VPS13A: variants seen among roughly 807,000 people sequenced by gnomAD.
The protein encoded by VPS13A is intermembrane lipid transfer protein VPS13A.
Under a neutral mutation model 390.9 loss-of-function variants are expected in VPS13A, and 264 were observed. The observed-to-expected ratio is 0.68, with a 90% CI of 0.61 to 0.75. The LOEUF is 0.75. Among genes scored for constraint, VPS13A ranks in the 30% least tolerant of loss-of-function variants. VPS13A has a pLI of 0.00. For missense variants in VPS13A, 3,409 were observed against 3,733.9 expected, an observed-to-expected ratio of 0.91 and a Z score of 2.27; for synonymous variants, 1,231 against 1,227.1, an observed-to-expected ratio of 1.00 and a Z score of -0.07.
At chr9:77,199,374 G>A (rs1395916347) in intron 1 of VPS13A, among the ~76,000 whole-genome samples, 3 of 152,186 alleles carry the variant, frequency 2.0e-5, no homozygotes, top group East Asian at 1.9e-4. Flanking sequence ...TTGTGGTTAC[G>A]ATGGGGTTAC....
chr9:77,378,602 C>T (rs1253077328), intron 67 of VPS13A, among the ~76,000 whole-genome samples: 1 of 151,464 alleles, frequency 6.6e-6, no homozygotes, highest in African/African-American at 2.4e-5. Flanking sequence ...TTTTCTTGGT[C>T]AGTTTAGTGA....
chr9:77,389,093 C>A (rs1369974458), intron 68 of VPS13A, among the ~76,000 whole-genome samples: 1 of 152,098 alleles, frequency 6.6e-6, no homozygotes, highest in Non-Finnish European at 1.5e-5. Flanking sequence ...AAACAATTAT[C>A]CTGTCTCCCC....
chr9:77,191,178 G>A (rs1236921514), intron 1 of VPS13A, among the ~76,000 whole-genome samples: 9 of 151,882 alleles, frequency 5.9e-5, no homozygotes, highest in African/African-American at 2.2e-4. Context: ...TGGGCATTTA[G>A]CACTATAAAC....
At chr9:77,403,418 T>C in intron 69 of VPS13A, 97 bp downstream of exon 69, 1 of 983,734 alleles carries the variant, frequency 1.0e-6, no homozygotes, top group Non-Finnish European at 1.6e-6. Context: ...TTCCATATAG[T>C]CACACTGATT....
chr9:77,196,686 T>A (rs981623585), intron 1 of VPS13A, among the ~76,000 whole-genome samples: 47 of 151,928 alleles, frequency 3.1e-4, no homozygotes, highest in Middle Eastern at 3.2e-3. Flanking sequence ...TTTTTTTTTT[T>A]AAATGGGGAA....
intron 1 of VPS13A, among the ~76,000 whole-genome samples, chr9:77,196,015 C>T (rs1360750734): frequency 4.0e-5 from 6 of 151,774 alleles, no homozygotes; most frequent in Non-Finnish European, 5.9e-5. Context: ...ATTTTCATCT[C>T]GATATTTTCT....
At chr9:77,368,524 T>A (rs1832568812) in intron 62 of VPS13A, among the ~76,000 whole-genome samples, 2 of 152,222 alleles carry the variant, frequency 1.3e-5, no homozygotes, top group South Asian at 4.1e-4. Context: ...TTTTAACAGA[T>A]GTTTTTCCAC....
intron 4 of VPS13A, 135 bp from the exon 5 acceptor site, chr9:77,205,843 G>A: frequency 3.4e-6 from 2 of 591,240 alleles, no homozygotes; most frequent in South Asian, 2.0e-5. Flanking sequence ...GCCCAGCTTG[G>A]CCTCCCAAAG....
At chr9:77,328,189 C>G (rs1830109323) in intron 45 of VPS13A, among the ~76,000 whole-genome samples, 1 of 152,130 alleles carries the variant, frequency 6.6e-6, no homozygotes, top group African/African-American at 2.4e-5. Context: ...CATCAGAACT[C>G]CAGTGACAAT....
chr9:77,261,118 C>G (rs1171994569), intron 23 of VPS13A, among the ~76,000 whole-genome samples: 2 of 151,900 alleles, frequency 1.3e-5, no homozygotes, highest in Non-Finnish European at 2.9e-5. Flanking sequence ...CCAGGCTGGT[C>G]TTGAACTCCT....
In VPS13A at chr9:77,371,087, G is replaced by C. The variant is rs762058561; in HGVS notation, c.9015G>C (p.Ala3005=). The C allele has an allele frequency of 1.2e-6, 2 of 1,613,944 alleles. No homozygotes were observed. Among genetic ancestry groups the C allele is most frequent in the Non-Finnish European group, 1.7e-6 (2 of 1,179,994 alleles). The change falls in exon 67 of 72, where the codon GCG becomes GCC. Residue 3005 remains alanine (A), a synonymous_variant. Transcript: ENST00000360280. ...GTGTTGGGAAAGGTTTAGTAGGAGC[G>C]GTAGCAAGGCCAACTGGAGGCATCA... ...FKGVGKGLVG[A]VARPTGGIID...
At chr9:77,355,347 T>C (rs1831715917) in intron 54 of VPS13A, among the ~76,000 whole-genome samples, 1 of 152,196 alleles carries the variant, frequency 6.6e-6, no homozygotes. Flanking sequence ...GTAGTTTCTT[T>C]CACGTGACTT....
chr9:77,342,103 T>A (rs1248453328), intron 50 of VPS13A, among the ~76,000 whole-genome samples: 1 of 152,078 alleles, frequency 6.6e-6, no homozygotes, highest in Admixed American at 6.6e-5. Context: ...ATTTGAACAG[T>A]GCCTTCGAGG....
intron 19 of VPS13A, among the ~76,000 whole-genome samples, chr9:77,246,466 TTG>T (rs148073595): frequency 0.31 from 46,675 of 150,728 alleles, 7,556 homozygotes; most frequent in African/African-American, 0.38. Flanking sequence ...TGCCTACATT[TTG>T]TGTGTGTGTG....
chr9:77,307,890 A>T, intron 34 of VPS13A, 55 bp from the exon 35 acceptor site: 1 of 1,412,424 alleles, frequency 7.1e-7, no homozygotes, highest in Non-Finnish European at 9.8e-7. Flanking sequence ...AACTGCAGTT[A>T]AATTCTGCAA....
At chr9:77,189,132 C>CTTTTTTT (rs542812911) in intron 1 of VPS13A, among the ~76,000 whole-genome samples, 2 of 112,188 alleles carry the variant, frequency 1.8e-5, no homozygotes, top group African/African-American at 3.4e-5. Flanking sequence ...TCCCACTTGC[C>CTTTTTTT]TTTTTTTTTT....
At chr9:77,329,739 A>G (rs1830188679) in intron 45 of VPS13A, among the ~76,000 whole-genome samples, 1 of 152,230 alleles carries the variant, frequency 6.6e-6, no homozygotes, top group Non-Finnish European at 1.5e-5. Flanking sequence ...AAAAAATGAA[A>G]TATCTGCAAT....
intron 19 of VPS13A, among the ~76,000 whole-genome samples, chr9:77,243,973 C>T (rs1174667939): frequency 6.6e-6 from 1 of 152,134 alleles, no homozygotes; most frequent in African/African-American, 2.4e-5. Context: ...CGCCATGGCT[C>T]ATAGTTGTAA....
At chr9:77,211,552 C>T (rs1315869004) in intron 7 of VPS13A, 1 of 152,042 alleles carries the variant, frequency 6.6e-6, no homozygotes, top group Non-Finnish European at 1.5e-5. Context: ...GGCAGCCTCC[C>T]AAGCCAGAGC....
Sources: allele counts gnomAD v4.1 joint callset (sites outside exome capture counted in the v4.1 genomes callset), GRCh38; gene constraint gnomAD v4.1.1; transcripts MANE v1.5; gene names NCBI Gene and HGNC (gene_info 2026-07-23, HGNC 2026-07-21).